The following ARHGAP20 variants were observed in gnomAD, a reference collection of about 807,000 sequenced individuals.
The protein encoded by ARHGAP20 is rho GTPase-activating protein 20.
A neutral mutation model predicts 73.7 loss-of-function variants in ARHGAP20; 34 were observed. That is an observed-to-expected ratio of 0.46 (90% CI 0.35 to 0.61). The LOEUF (loss-of-function observed/expected upper bound fraction) is 0.61. ARHGAP20 is among the 20% of genes least tolerant of loss of function. The pLI, the probability that ARHGAP20 is intolerant of heterozygous loss-of-function variation, is 0.00. For missense variants in ARHGAP20, 1,314 were observed against 1,420.9 expected (o/e 0.92, Z 1.21); for synonymous variants, 523 against 518.2 (o/e 1.01, Z -0.13).
At chr11:110,607,618 G>A (rs547590560) in intron 8 of ARHGAP20, among the ~76,000 whole-genome samples, 6 of 152,098 alleles carry the variant, frequency 3.9e-5, no homozygotes, top group African/African-American at 1.4e-4. Flanking sequence ...GCTGGTCTAG[G>A]CATACAATGT....
rs536319095 is a variant in ARHGAP20 at position 110,676,032 on chromosome 11, C to T, written c.188+14515G>A. On this transcript the variant is annotated intron_variant, in intron 2 of 14. Coordinates refer to ENST00000683387, the MANE Select transcript of ARHGAP20 (RefSeq NM_001384657.1). Reference sequence around the variant, plus strand: ...ATCACAACATTTTTGTAAGGAAAAGCTGAGACGTTGAAAATAAAAATATAT... The same window carrying T: ...ATCACAACATTTTTGTAAGGAAAAGTTGAGACGTTGAAAATAAAAATATAT... 2.0e-5 allele frequency among the ~76,000 whole-genome samples: 3 copies of T among 152,294 alleles called. 1 individual carries two copies. The South Asian group carries it at 6.2e-4, about 32-fold the overall frequency.
intron 2 of ARHGAP20, among the ~76,000 whole-genome samples, chr11:110,651,545 T>C (rs1949353059): frequency 6.6e-6 from 1 of 151,330 alleles, no homozygotes; most frequent in South Asian, 2.1e-4. Context: ...AAATGGGATA[T>C]CACCACTGAC....
chr11:110,603,884 A>G (rs1948163553), intron 9 of ARHGAP20, among the ~76,000 whole-genome samples: 1 of 152,166 alleles, frequency 6.6e-6, no homozygotes, highest in Non-Finnish European at 1.5e-5. Flanking sequence ...TGAAATTAAA[A>G]ATTTTATTAT....
intron 11 of ARHGAP20, among the ~76,000 whole-genome samples, chr11:110,589,080 A>G (rs1286774612): frequency 6.6e-6 from 1 of 152,138 alleles, no homozygotes; most frequent in Non-Finnish European, 1.5e-5. Flanking sequence ...TGAAAAAAAC[A>G]AAAAACAAAA....
chr11:110,602,467 T>C (rs561765173), intron 9 of ARHGAP20, among the ~76,000 whole-genome samples: 46 of 152,272 alleles, frequency 3.0e-4, no homozygotes, highest in South Asian at 1.7e-3. Flanking sequence ...AGAAAAATAA[T>C]ATTTAAAATG....
chr11:110,687,973 C>CTT (rs1950168675), intron 2 of ARHGAP20, among the ~76,000 whole-genome samples: 1 of 152,032 alleles, frequency 6.6e-6, no homozygotes, highest in African/African-American at 2.4e-5. Context: ...TATCTCTTGA[C>CTT]GTACAAGGTA....
intron 14 of ARHGAP20, among the ~76,000 whole-genome samples, chr11:110,581,978 C>G (rs1403872499): frequency 6.6e-6 from 1 of 150,464 alleles, no homozygotes; most frequent in Non-Finnish European, 1.5e-5. Flanking sequence ...TCTGGGCTTT[C>G]TACACCAGTT....
intron 1 of ARHGAP20, among the ~76,000 whole-genome samples, chr11:110,697,550 T>A (rs1416387423): frequency 6.6e-6 from 1 of 151,948 alleles, no homozygotes; most frequent in African/African-American, 2.4e-5. Flanking sequence ...TATTATTTCT[T>A]TTGCTTTGCA....
intron 1 of ARHGAP20, among the ~76,000 whole-genome samples, chr11:110,710,438 A>AAAAAAAAG (rs1201580179): frequency 1.3e-5 from 2 of 152,008 alleles, no homozygotes; most frequent in African/African-American, 4.8e-5. Context: ...CCCTTAGTAA[A>AAAAAAAAG]AAAAAAAGAA....
chr11:110,711,374 T>C, intron 1 of ARHGAP20, among the ~76,000 whole-genome samples: 1 of 149,486 alleles, frequency 6.7e-6, no homozygotes, highest in Admixed American at 6.6e-5. Context: ...AGGGAGAAGG[T>C]CCCCCACCTC....
chr11:110,614,475 G>A lies in ARHGAP20; in HGVS notation c.630+86C>T. 4 of 1,255,034 alleles carry A rather than the reference G, an allele frequency of 3.2e-6. No homozygotes were observed. The South Asian group carries it at 5.3e-5, about 17-fold the overall frequency. 77.7% of individuals were successfully genotyped at this position (1,255,034 alleles called of 1,614,324 possible). On this transcript the variant is annotated intron_variant, in intron 6 of 14. Coordinates refer to ENST00000683387, the MANE Select transcript of ARHGAP20 (RefSeq NM_001384657.1). ...TAGCACATACACAGTTAGCCTGCCT[G>A]CCTGCCTGCTCTCTCTCTTCTTATC...
At chr11:110,676,552 AC>A in intron 2 of ARHGAP20, among the ~76,000 whole-genome samples, 1 of 152,214 alleles carries the variant, frequency 6.6e-6, no homozygotes, top group East Asian at 1.9e-4. Context: ...TGATTAAATT[AC>A]CTCTCACCAG....
At chr11:110,654,521 G>A (rs971493441) in intron 2 of ARHGAP20, among the ~76,000 whole-genome samples, 7 of 152,170 alleles carry the variant, frequency 4.6e-5, no homozygotes, top group African/African-American at 1.7e-4. Flanking sequence ...GCACATTAAA[G>A]TGTGAAAACC....
intron 1 of ARHGAP20, among the ~76,000 whole-genome samples, chr11:110,710,273 T>G (rs549654880): frequency 3.9e-5 from 6 of 152,294 alleles, no homozygotes; most frequent in African/African-American, 1.4e-4. Flanking sequence ...CTGTTAAGTT[T>G]CATAACAAAC....
intron 2 of ARHGAP20, among the ~76,000 whole-genome samples, chr11:110,679,162 C>T (rs1448709429): frequency 6.6e-6 from 1 of 152,172 alleles, no homozygotes; most frequent in Non-Finnish European, 1.5e-5. Flanking sequence ...AGTTTCTCAT[C>T]TTGTGGGTTC....
Position 110,577,893 on chromosome 11 carries a change from T to TG in ARHGAP20, c.*1476dup. ...TTTAGAACAAAAAAGAAAGAACATTTGATATGACCATTTTCTGGTGATTAA... is the reference window on the plus strand; with the variant it reads ...TTTAGAACAAAAAAGAAAGAACATTTGGATATGACCATTTTCTGGTGATTAA... On this transcript the variant is annotated 3_prime_UTR_variant, in exon 15 of 15. Transcript: ENST00000683387. 12 of 985,782 alleles carry TG rather than the reference T, an allele frequency of 1.2e-5. No homozygotes were observed. Among genetic ancestry groups the TG allele is most frequent in the Non-Finnish European group, 1.4e-5 (12 of 829,838 alleles). The allele number at this position is 985,782 out of a possible 1,614,324, so 61.1% of individuals were successfully genotyped here.
rs1301194080 is a variant in ARHGAP20 at position 110,698,499 on chromosome 11, A to C, written c.106-7870T>G. Among the ~76,000 whole-genome samples, 3 of 151,662 alleles carry C rather than the reference A, an allele frequency of 2.0e-5. No homozygotes were observed. The East Asian group carries it at 5.8e-4, about 29-fold the overall frequency. ...AGAAGTTTCGGTAAGATTGAATACC[A>C]GTTCTTTGTATGTTTGATAAAATTC... On this transcript the variant is annotated intron_variant, in intron 1 of 14. Transcript: ENST00000683387.
intron 2 of ARHGAP20, among the ~76,000 whole-genome samples, chr11:110,676,346 G>T (rs1024192933): frequency 1.6e-4 from 24 of 152,190 alleles, no homozygotes; most frequent in Non-Finnish European, 2.8e-4. Context: ...AAAGGAAAGA[G>T]GTTTAATTGC....
chr11:110,698,437 A>G (rs530559154), intron 1 of ARHGAP20, among the ~76,000 whole-genome samples: 6 of 151,952 alleles, frequency 3.9e-5, no homozygotes, highest in African/African-American at 1.4e-4. Flanking sequence ...GGTTTCATAG[A>G]ACGAGTTAGG....
Sources: allele counts gnomAD v4.1 joint callset (sites outside exome capture counted in the v4.1 genomes callset), GRCh38; gene constraint gnomAD v4.1.1; transcripts MANE v1.5; gene names NCBI Gene and HGNC (gene_info 2026-07-23, HGNC 2026-07-21).